PIK3CA: variants seen among roughly 807,000 people sequenced by gnomAD.
PIK3CA encodes the protein phosphatidylinositol-4,5-bisphosphate 3-kinase catalytic subunit alpha.
PIK3CA carries 27 observed loss-of-function variants against 138.2 expected under a neutral mutation model. The ratio of observed to expected loss-of-function variants is 0.20; its 90% confidence interval spans 0.14 to 0.27. The LOEUF is 0.27. Ranked by LOEUF, PIK3CA falls within the 10% of genes least tolerant of loss-of-function variation. The probability of loss-of-function intolerance (pLI) is 1.00; values close to 1 mark genes in which losing one functional copy is unlikely to be tolerated. For synonymous variants in PIK3CA, 358 were observed against 413.2 expected (o/e 0.87, Z 1.62); for missense variants, 544 against 1,277.4 (o/e 0.43, Z 8.75).
At chr3:179,162,120 A>G (rs1172296096) in intron 1 of PIK3CA, among the ~76,000 whole-genome samples, 2 of 152,180 alleles carry the variant, frequency 1.3e-5, no homozygotes, top group Non-Finnish European at 2.9e-5. Flanking sequence ...TTATCTCTGT[A>G]TAAAACATAC....
chr3:179,185,421 C>T (rs1254876437), intron 1 of PIK3CA, among the ~76,000 whole-genome samples: 1 of 152,186 alleles, frequency 6.6e-6, no homozygotes, highest in Non-Finnish European at 1.5e-5. Context: ...AACTGCTGGT[C>T]GCCAAGAAGT....
chr3:179,160,276 CTAATG>C (rs1339834139), intron 1 of PIK3CA, among the ~76,000 whole-genome samples: 2 of 152,164 alleles, frequency 1.3e-5, no homozygotes, highest in African/African-American at 4.8e-5. Context: ...TAGCACATAA[CTAATG>C]TAAATATTGC....
chr3:179,210,390 C>T (rs200212106), intron 8 of PIK3CA, 41 bp from the exon 9 acceptor site: 311 of 1,586,140 alleles, frequency 2.0e-4, no homozygotes, highest in Non-Finnish European at 2.5e-4. Flanking sequence ...GTCAAACCTT[C>T]TCTCTTATGT....
At chr3:179,228,886 T>C (rs550715036) in intron 17 of PIK3CA, among the ~76,000 whole-genome samples, 1 of 152,186 alleles carries the variant, frequency 6.6e-6, no homozygotes, top group South Asian at 2.1e-4. Flanking sequence ...TTTCTACAAG[T>C]GTAAAGGAGT....
intron 1 of PIK3CA, among the ~76,000 whole-genome samples, chr3:179,159,867 C>G (rs965249332): frequency 1.3e-5 from 2 of 152,040 alleles, no homozygotes; most frequent in African/African-American, 2.4e-5. Context: ...TATTACTATA[C>G]TGAATACCAT....
At chr3:179,156,683 C>T (rs1576911840) in intron 1 of PIK3CA, among the ~76,000 whole-genome samples, 3 of 152,210 alleles carry the variant, frequency 2.0e-5, no homozygotes, top group Non-Finnish European at 4.4e-5. Context: ...TTACCTTCAA[C>T]TTTTGAATAT....
At position 179,210,503 on chromosome 3, in the gene PIK3CA, G is replaced by A. The variant is rs2108401498; in HGVS notation, c.1477G>A (p.Glu493Lys). The change falls in exon 9 of 21, where the codon GAA (glutamate) becomes AAA (lysine). Residue 493 changes from glutamate (E) to lysine (K), a missense_variant. By Grantham distance (56) the Glu-to-Lys change is moderately conservative. This residue lies in a region of PIK3CA where 52 missense variants were observed against 83.4 expected (regional missense o/e 0.62). Coordinates refer to ENST00000263967, the MANE Select transcript of PIK3CA (RefSeq NM_006218.4). ...VVKFPDMSVI[E>K]EHANWSVSRE... is the part of the protein sequence containing the mutation. Reference sequence around the variant, plus strand: ...AAAGTTCCCAGATATGTCAGTGATTGAAGAGCATGCCAATTGGTCTGTATC... The same window carrying A: ...AAAGTTCCCAGATATGTCAGTGATTAAAGAGCATGCCAATTGGTCTGTATC... The A allele has an allele frequency of 6.2e-7, 1 of 1,614,024 alleles. No homozygotes were observed. The highest frequency in any genetic ancestry group is 8.5e-7 in the Non-Finnish European group (1 of 1,179,922).
intron 9 of PIK3CA, among the ~76,000 whole-genome samples, chr3:179,213,387 A>C (rs149523073): frequency 1.3e-5 from 2 of 152,378 alleles, no homozygotes; most frequent in East Asian, 3.9e-4. Flanking sequence ...AACAATGTAC[A>C]TACTTTAAAA....
At chr3:179,182,545 A>G (rs1335930896) in intron 1 of PIK3CA, among the ~76,000 whole-genome samples, 1 of 152,114 alleles carries the variant, frequency 6.6e-6, no homozygotes, top group Non-Finnish European at 1.5e-5. Context: ...ACACACAGGT[A>G]GTCCTAGTTC....
rs1725409504 is a variant in PIK3CA, at chr3:179,239,961, C to G, written c.*5597C>G. The G allele has an allele frequency of 6.7e-6, 9 of 1,336,676 alleles. No individual in the cohort carries two copies. The highest frequency in any genetic ancestry group is 8.3e-6 in the Non-Finnish European group (8 of 964,204). 82.8% of individuals were successfully genotyped at this position (1,336,676 alleles called of 1,614,324 possible). A position where few individuals can be genotyped will look rare whatever the true frequency, so the allele number is the denominator to read the frequency against. On this transcript the variant is annotated 3_prime_UTR_variant, in exon 21 of 21. Coordinates refer to ENST00000263967, the MANE Select transcript of PIK3CA (RefSeq NM_006218.4). ...AATTTAAGACCTCTTCCCAGTCTTG[C>G]TGTTCCTAGCAAGAAGTTTGGCCTG...
chr3:179,193,086 G>C (rs1308118377), intron 1 of PIK3CA, among the ~76,000 whole-genome samples: 2 of 152,192 alleles, frequency 1.3e-5, no homozygotes. Flanking sequence ...GGGTAGTACT[G>C]TCTACTCAGT....
intron 9 of PIK3CA, among the ~76,000 whole-genome samples, chr3:179,211,071 A>T (rs915460620): frequency 1.3e-5 from 2 of 152,254 alleles, no homozygotes; most frequent in Non-Finnish European, 2.9e-5. Flanking sequence ...GTATCAAAAA[A>T]ATTGAAGTTA....
chr3:179,166,797 A>T (rs546982404), intron 1 of PIK3CA, among the ~76,000 whole-genome samples: 12 of 151,918 alleles, frequency 7.9e-5, no homozygotes, highest in Middle Eastern at 3.4e-3. Flanking sequence ...TGTAGACTTC[A>T]CTCTTAAGGT....
At chr3:179,199,252 G>A (rs961579675) in intron 2 of PIK3CA, 75 bp downstream of exon 2, 2 of 948,972 alleles carry the variant, frequency 2.1e-6, no homozygotes, top group Non-Finnish European at 3.1e-6. Flanking sequence ...AAATATTTCT[G>A]TCTAAACCAA....
intron 1 of PIK3CA, chr3:179,169,106 T>C (rs932950183): frequency 3.9e-5 from 6 of 152,206 alleles, no homozygotes. Context: ...GAGGAAAACA[T>C]AGCACCATTG....
In PIK3CA at chr3:179,203,806, A is replaced by G. The variant is rs915265457; in HGVS notation, c.1059+17A>G. On this transcript the variant is annotated intron_variant, in intron 5 of 20. Transcript: ENST00000263967. ...ATTGATAAGGTAAAGTCAAATGCTG[A>G]TGCTTATTATTTTATAGAAATTATT... 1 of 1,553,506 alleles carries G rather than the reference A, an allele frequency of 6.4e-7. No individual in the cohort carries two copies. Among genetic ancestry groups the G allele is most frequent in the Non-Finnish European group, 8.7e-7 (1 of 1,146,946 alleles).
intron 1 of PIK3CA, chr3:179,149,393 C>T (rs1280125337): frequency 6.6e-6 from 1 of 151,986 alleles, no homozygotes. Flanking sequence ...GACCTCGGCT[C>T]GAGGGGTTTA....
chr3:179,203,854 T>TAGGA (rs1724487493), intron 5 of PIK3CA, 65 bp downstream of exon 5: 2 of 1,121,042 alleles, frequency 1.8e-6, no homozygotes, highest in Admixed American at 2.2e-5. Context: ...TTTCTTGCAC[T>TAGGA]ATACAGTAAT....
intron 1 of PIK3CA, among the ~76,000 whole-genome samples, chr3:179,155,442 G>A (rs1456625684): frequency 3.9e-5 from 6 of 152,168 alleles, no homozygotes; most frequent in Admixed American, 6.5e-5. Context: ...CTTTGTATTC[G>A]TGGGTTTTGC....
Sources: gnomAD v4.1 joint callset for allele counts (sites outside exome capture counted in the v4.1 genomes callset) on GRCh38, gnomAD v4.1.1 for gene constraint, gnomAD v4.1.1 regional missense constraint, MANE v1.5 for transcripts, NCBI Gene and HGNC (gene_info 2026-07-23, HGNC 2026-07-21) for gene names.